Variants in IL31RA observed in about 807,000 individuals in gnomAD.
The protein encoded by IL31RA is interleukin-31 receptor subunit alpha.
Under a neutral mutation model 83.7 loss-of-function variants are expected in IL31RA, and 66 were observed. The observed-to-expected ratio is 0.79, with a 90% CI of 0.65 to 0.97. The LOEUF is 0.97. Among genes scored for constraint, IL31RA ranks in the 50% least tolerant of loss-of-function variants. The probability of loss-of-function intolerance (pLI) is 0.00; values close to 1 mark genes in which losing one functional copy is unlikely to be tolerated. For synonymous variants in IL31RA, 325 were observed against 329.0 expected (o/e 0.99, Z 0.13); for missense variants, 798 against 919.4 (o/e 0.87, Z 1.71).
chr5:55,876,196 A>G (rs1187979219), intron 4 of IL31RA, among the ~76,000 whole-genome samples: 1 of 152,056 alleles, frequency 6.6e-6, no homozygotes, highest in East Asian at 1.9e-4. Context: ...TCATGAGGTC[A>G]AGAGATTGAG....
chr5:55,861,060 C>T (rs552409325), intron 2 of IL31RA, among the ~76,000 whole-genome samples: 1 of 152,158 alleles, frequency 6.6e-6, no homozygotes, highest in Non-Finnish European at 1.5e-5. Flanking sequence ...ATTACCTCTT[C>T]AAGTGCTCTA....
In IL31RA at chr5:55,868,866, G is replaced by A. The variant is rs1437100137; in HGVS notation, c.230G>A (p.Gly77Glu). The part of the protein sequence containing the change: ...RKNLTCTWSP[G>E]KETSYTQYTV... ...AATTTAACCTGCACTTGGAGTCCAG[G>A]AAAGGAAACCAGTTATACCCAGTAC... The change falls in exon 3 of 15, where the codon GGA becomes GAA. Residue 77 changes from glycine (G) to glutamate (E), a missense_variant. Transcript: ENST00000652347. The A allele has an allele frequency of 2.5e-6, 4 of 1,606,010 alleles. No homozygotes were observed. The highest frequency in any genetic ancestry group is 3.4e-6 in the Non-Finnish European group (4 of 1,172,768).
At position 55,903,722 on chromosome 5, in the gene IL31RA, A is replaced by G. The variant is rs1272604117; in HGVS notation, c.1070-2384A>G. 2.0e-5 allele frequency among the ~76,000 whole-genome samples: 3 copies of G among 152,194 alleles called. No individual in the cohort carries two copies. In the East Asian group the frequency reaches 5.8e-4, roughly 29 times the overall value. ...TTCAGGCCAGGATTTGTGGGCAATC[A>G]TTTTTTAAAAAAGTGCCTCCAGGGA... On this transcript the variant is annotated intron_variant, in intron 8 of 14. Coordinates refer to ENST00000652347, the MANE Select transcript of IL31RA (RefSeq NM_139017.7). This position sits in a 1 kb window ranked among gnomAD's most constrained non-coding sequence, Gnocchi z 4.7.
intron 5 of IL31RA, among the ~76,000 whole-genome samples, chr5:55,887,520 AC>A (rs959870946): frequency 3.3e-5 from 5 of 152,284 alleles, no homozygotes; most frequent in African/African-American, 1.2e-4. Flanking sequence ...TGGGTGGATC[AC>A]CTGAGATCAG....
chr5:55,861,197 GA>G (rs1304290809), intron 2 of IL31RA, among the ~76,000 whole-genome samples: 1 of 152,206 alleles, frequency 6.6e-6, no homozygotes, highest in Non-Finnish European at 1.5e-5. Flanking sequence ...ATGACCCAGA[GA>G]TAATGAGAAT....
chr5:55,904,898 T>C (rs1399849445), intron 8 of IL31RA, among the ~76,000 whole-genome samples: 7 of 149,640 alleles, frequency 4.7e-5, no homozygotes, highest in African/African-American at 9.8e-5. Flanking sequence ...CTGACATTCA[T>C]TGAAACACTC....
the IL31RA span, chr5:55,840,053 C>G: frequency 2.4e-6 from 1 of 409,162 alleles, no homozygotes; most frequent in Non-Finnish European, 4.7e-6. Flanking sequence ...GGTGTCAAAA[C>G]AGACCAGACA....
intron 2 of IL31RA, among the ~76,000 whole-genome samples, chr5:55,865,132 C>T (rs527251432): frequency 2.0e-5 from 3 of 152,290 alleles, no homozygotes; most frequent in Admixed American, 6.5e-5. Flanking sequence ...TTCCAAGCTG[C>T]GTGGGCTCTT....
intron 2 of IL31RA, among the ~76,000 whole-genome samples, chr5:55,864,599 T>C (rs940807954): frequency 1.4e-5 from 2 of 143,930 alleles, no homozygotes; most frequent in Non-Finnish European, 3.0e-5. Flanking sequence ...ACACACACCA[T>C]AAACATACCA....
At chr5:55,880,198 C>T (rs945334585) in intron 4 of IL31RA, among the ~76,000 whole-genome samples, 3 of 152,158 alleles carry the variant, frequency 2.0e-5, no homozygotes, top group Admixed American at 6.5e-5. Flanking sequence ...TTGTATACAG[C>T]TCTACTTACT....
intron 4 of IL31RA, among the ~76,000 whole-genome samples, chr5:55,876,476 T>C (rs759146697): frequency 3.9e-5 from 6 of 152,228 alleles, no homozygotes; most frequent in Non-Finnish European, 8.8e-5. Flanking sequence ...GATAATTTGC[T>C]TAAACCTTTT....
chr5:55,841,955 AAT>A, the IL31RA span, among the ~76,000 whole-genome samples: 2 of 151,658 alleles, frequency 1.3e-5, no homozygotes, highest in African/African-American at 2.4e-5. Context: ...AAAAAAAAAA[AAT>A]TTTTTTAAGA....
upstream of IL31RA, among the ~76,000 whole-genome samples, chr5:55,847,284 T>G (rs933593922): frequency 8.0e-6 from 1 of 125,772 alleles, no homozygotes; most frequent in African/African-American, 3.0e-5. Context: ...AATAAATAAA[T>G]AAAAAGAAAA....
At chr5:55,848,273 A>C (rs1388308578), upstream of IL31RA, among the ~76,000 whole-genome samples, 1 of 152,246 alleles carries the variant, frequency 6.6e-6, no homozygotes, top group Non-Finnish European at 1.5e-5. Flanking sequence ...AAGGAAAATT[A>C]GTCTCTTCTT....
At chr5:55,885,583 G>A (rs1328694206) in intron 5 of IL31RA, among the ~76,000 whole-genome samples, 1 of 152,090 alleles carries the variant, frequency 6.6e-6, no homozygotes, top group Non-Finnish European at 1.5e-5. Context: ...GTCTGTTGTC[G>A]ACATGCGCGG....
chr5:55,917,432 G>T lies in IL31RA; in HGVS notation c.*312G>T. ...GAAGGGCCCAGGTTCTGAGCCCAAA[G>T]GACCCCCAGGGTGGACATATCTGGC... On this transcript the variant is annotated 3_prime_UTR_variant, in exon 15 of 15. Transcript: ENST00000652347. 1.2e-6 allele frequency: 1 copy of T among 821,820 alleles called. No homozygotes were observed. Among genetic ancestry groups the T allele is most frequent in the Non-Finnish European group, 1.6e-6 (1 of 607,814 alleles). The allele number at this position is 821,820 out of a possible 1,614,324, so 50.9% of individuals were successfully genotyped here. A position where few individuals can be genotyped will look rare whatever the true frequency, so the allele number is the denominator to read the frequency against.
rs1580752572 is a variant in IL31RA, at chr5:55,917,041, C to T, written c.2216C>T (p.Pro739Leu). 1 of 1,614,186 alleles carries T rather than the reference C, an allele frequency of 6.2e-7. No individual in the cohort carries two copies. Among genetic ancestry groups the T allele is most frequent in the South Asian group, 1.1e-5 (1 of 91,084 alleles). ...CTGTGTGAGGAAGGAGCCCCAAATC[C>T]ATATTTGAAAAATTCAGTGACAGCC... Reference protein sequence around the residue: ...DHLCEEGAPNPYLKNSVTARE... With the variant: ...DHLCEEGAPNLYLKNSVTARE... The change falls in exon 15 of 15, where the codon CCA becomes CTA. Residue 739 changes from proline to leucine, a missense_variant. By Grantham distance (98) the Pro-to-Leu change is moderately conservative (BLOSUM62 -3). Coordinates refer to ENST00000652347, the MANE Select transcript of IL31RA (RefSeq NM_139017.7).
Position 55,896,418 on chromosome 5 carries a change from T to G in IL31RA, c.841T>G (p.Leu281Val). ...GGCGGATGGAAGAAGGCCAGTGCGG[T>G]TGTTATGGAAGGTGACCTCCCTCTG... The part of the protein sequence containing the change: ...AEADGRRPVR[L>V]LWKKARGAPV... Residue 281 changes from leucine to valine, a missense_variant, in exon 7 of 15, where the codon TTG becomes GTG. Physicochemically the swap from Leu to Val is conservative, Grantham distance 32. Coordinates refer to ENST00000652347, the MANE Select transcript of IL31RA (RefSeq NM_139017.7). The G allele has an allele frequency of 1.2e-6, 2 of 1,612,338 alleles. No homozygotes were observed. The highest frequency in any genetic ancestry group is 1.7e-6 in the Non-Finnish European group (2 of 1,178,560).
chr5:55,905,719 C>T (rs936091208), intron 8 of IL31RA, among the ~76,000 whole-genome samples: 19 of 152,212 alleles, frequency 1.2e-4, no homozygotes, highest in Admixed American at 1.2e-3. Flanking sequence ...CACCATCTCC[C>T]AGCTTCCCAG....
Sources: allele counts gnomAD v4.1 joint callset (sites outside exome capture counted in the v4.1 genomes callset), GRCh38; gene constraint gnomAD v4.1.1; non-coding constraint Gnocchi (gnomAD v3.1); transcripts MANE v1.5; gene names NCBI Gene and HGNC (gene_info 2026-07-23, HGNC 2026-07-21).